The following MPRIP variants were observed in gnomAD, a reference collection of about 807,000 sequenced individuals.
MPRIP encodes myosin phosphatase Rho interacting protein.
In MPRIP, 59 loss-of-function variants were observed where a neutral mutation model predicts 234.9. The ratio of observed to expected loss-of-function variants is 0.25; its 90% CI spans 0.20 to 0.31. The LOEUF (loss-of-function observed/expected upper bound fraction) is 0.31, where lower values mean the gene tolerates loss of function less well. MPRIP is among the 10% of genes least tolerant of loss of function. The pLI, the probability that MPRIP is intolerant of heterozygous loss-of-function variation, is 1.00. For synonymous variants in MPRIP, 1,144 were observed against 1,263.9 expected, an observed-to-expected ratio of 0.91 and a Z score of 2.01; for missense variants, 2,436 against 3,071.0, an observed-to-expected ratio of 0.79 and a Z score of 4.89.
rs1195932484 is a variant in MPRIP at position 17,088,047 on chromosome 17, G to A, written c.267+9971G>A. 2.0e-5 allele frequency among the ~76,000 whole-genome samples: 3 copies of A among 152,262 alleles called. No individual in the cohort carries two copies. The East Asian group carries it at 5.8e-4, about 29-fold the overall frequency. On this transcript the variant is annotated intron_variant, in intron 3 of 23. Transcript: ENST00000651222. ...GCCTTCCCTGTGTTGCCTGAGTGGA[G>A]TGACTGCTGGCCACCCACAATTGAT...
chr17:17,100,223 G>A (rs536720569), intron 3 of MPRIP, among the ~76,000 whole-genome samples: 5 of 152,284 alleles, frequency 3.3e-5, no homozygotes, highest in Admixed American at 2.0e-4. Context: ...GAGATCCAAG[G>A]TTTCCAGAGC....
At position 17,181,646 on chromosome 17, in the gene MPRIP, T is replaced by C. The variant is rs535122504; in HGVS notation, c.7206+1558T>C. 3.9e-5 allele frequency: 6 copies of C among 152,382 alleles called. No homozygotes were observed. The South Asian group carries it at 1.2e-3, about 32-fold the overall frequency. 9.4% of individuals were successfully genotyped at this position (152,382 alleles called of 1,614,324 possible). On this transcript the variant is annotated intron_variant, in intron 23 of 23. Coordinates refer to ENST00000651222, the MANE Select transcript of MPRIP (RefSeq NM_001364716.4). ...TTCTTACTGAAGATTCTACTACTTA[T>C]TTGAGGCTAAACTGTAGCTAGTATC...
At chr17:17,113,378 A>G (rs567818149) in intron 3 of MPRIP, among the ~76,000 whole-genome samples, 1 of 152,376 alleles carries the variant, frequency 6.6e-6, no homozygotes, top group African/African-American at 2.4e-5. Context: ...TGCTTCACAT[A>G]AGTGGAATCA....
chr17:17,139,708 C>T (rs1344981699), intron 7 of MPRIP, among the ~76,000 whole-genome samples: 2 of 152,280 alleles, frequency 1.3e-5, no homozygotes, highest in African/African-American at 4.8e-5. Context: ...TCCAAACGTC[C>T]CAGATGAAAA....
chr17:17,165,315 A>T lies in MPRIP; in HGVS notation c.3724A>T (p.Thr1242Ser). ...STPEETERDG[T>S]LLPGQPVQAT... ...CCCTGAAGAGACAGAAAGGGATGGC[A>T]CTTTGCTCCCAGGCCAACCAGTCCA... is the stretch of plus-strand genomic sequence containing the variant. Residue 1242 changes from threonine (T) to serine (S), a missense_variant, in exon 16 of 24, where the codon ACT (threonine) becomes TCT (serine). By Grantham distance (58) the Thr-to-Ser change is moderately conservative (BLOSUM62 1). Coordinates refer to ENST00000651222, the MANE Select transcript of MPRIP (RefSeq NM_001364716.4). 7.7e-7 allele frequency: 1 copy of T among 1,304,104 alleles called. No homozygotes were observed. Among genetic ancestry groups the T allele is most frequent in the South Asian group, 1.2e-5 (1 of 81,036 alleles). 80.8% of individuals were successfully genotyped at this position (1,304,104 alleles called of 1,614,324 possible). A position where few individuals can be genotyped will look rare whatever the true frequency, so the allele number is the denominator to read the frequency against.
rs368169974 is a variant in MPRIP, at chr17:17,053,660, G to A, written c.123+10689G>A. Among the ~76,000 whole-genome samples, 14 of 152,302 alleles carry A rather than the reference G, an allele frequency of 9.2e-5. No homozygotes were observed. In the East Asian group the frequency reaches 2.3e-3, roughly 25 times the overall value. On this transcript the variant is annotated intron_variant, in intron 1 of 23. Coordinates refer to ENST00000651222, the MANE Select transcript of MPRIP (RefSeq NM_001364716.4). ...CCCATCCCTCTTAGGTTACTGCAGA[G>A]AAAACAGCCCAGGGAGGGGACCTTC...
chr17:17,088,274 G>A (rs2089636739), intron 3 of MPRIP, among the ~76,000 whole-genome samples: 3 of 152,210 alleles, frequency 2.0e-5, no homozygotes, highest in African/African-American at 4.8e-5. Context: ...CACCCTTGCT[G>A]GTCTATCTTC....
intron 22 of MPRIP, 35 bp downstream of exon 22, chr17:17,177,447 T>G (rs901684375): frequency 2.5e-6 from 4 of 1,600,282 alleles, no homozygotes; most frequent in Non-Finnish European, 1.7e-6. Context: ...CGGTTATTGC[T>G]GGGGGGCTTA....
At chr17:17,159,280 G>A (rs944270951) in intron 14 of MPRIP, among the ~76,000 whole-genome samples, 3 of 152,252 alleles carry the variant, frequency 2.0e-5, no homozygotes, top group Non-Finnish European at 2.9e-5. Flanking sequence ...GGCAAGCGGC[G>A]TTGCAGGGCC....
Position 17,192,443 on chromosome 17 carries a change from A to T in MPRIP, c.*7549A>T, listed in dbSNP as rs375314240. 2.3e-4 allele frequency: 3 copies of T among 13,052 alleles called. No homozygotes were observed. The highest frequency in any genetic ancestry group is 4.2e-4 in the Non-Finnish European group (3 of 7,080). The allele number at this position is 13,052 out of a possible 1,614,324, so 0.8% of individuals were successfully genotyped here. On this transcript the variant is annotated 3_prime_UTR_variant, in exon 24 of 24. Transcript: ENST00000651222. ...CTTTTTTTTTGGGGGGGGGGGGGGG[A>T]GGGGCGTCTTGAGGCTTTTTTTTTT...
chr17:17,106,936 C>A (rs1313085400), intron 3 of MPRIP, among the ~76,000 whole-genome samples: 4 of 152,192 alleles, frequency 2.6e-5, no homozygotes, highest in Non-Finnish European at 5.9e-5. Context: ...ACTTCTTTCC[C>A]AGATGCTGGC....
At chr17:17,125,246 C>T (rs939804334) in intron 3 of MPRIP, among the ~76,000 whole-genome samples, 1 of 152,226 alleles carries the variant, frequency 6.6e-6, no homozygotes, top group Non-Finnish European at 1.5e-5. Context: ...AGTGTTGAGG[C>T]AGGATGCCAA....
intron 21 of MPRIP, 88 bp from the exon 22 acceptor site, chr17:17,177,162 C>CG: frequency 7.6e-7 from 1 of 1,318,514 alleles, no homozygotes; most frequent in Non-Finnish European, 1.1e-6. Context: ...GCCTCCCTAC[C>CG]GTGTTCAGTC....
chr17:17,066,874 A>G (rs1380126922), intron 1 of MPRIP, among the ~76,000 whole-genome samples: 1 of 151,266 alleles, frequency 6.6e-6, no homozygotes, highest in Non-Finnish European at 1.5e-5. Flanking sequence ...CTCATGCCTC[A>G]GCCTCCCACG....
Position 17,166,009 on chromosome 17 carries a change from G to A in MPRIP, c.4418G>A (p.Ser1473Asn). The A allele has an allele frequency of 3.8e-6, 5 of 1,304,304 alleles. No homozygotes were observed. Among genetic ancestry groups the A allele is most frequent in the Non-Finnish European group, 5.1e-6 (5 of 988,936 alleles). 80.8% of individuals were successfully genotyped at this position (1,304,304 alleles called of 1,614,324 possible). A position where few individuals can be genotyped will look rare whatever the true frequency, so the allele number is the denominator to read the frequency against. Residue 1473 changes from serine (S) to asparagine (N), a missense_variant, in exon 16 of 24, where the codon AGT becomes AAT. Transcript: ENST00000651222. The surrounding 1 kb of genome is among the most constrained non-coding windows in gnomAD (Gnocchi z 4.4). ...CTTGGGGACTTCCAGGTCAAGAATA[G>A]TCAGGCCCTGATGTGCCTGGAAAAT... ...GELGDFQVKN[S>N]QALMCLENCR...
At chr17:17,182,251 G>T (rs1449494605) in intron 23 of MPRIP, 1 of 152,200 alleles carries the variant, frequency 6.6e-6, no homozygotes, top group Non-Finnish European at 1.5e-5. Flanking sequence ...GGCATCTGAT[G>T]TGCACTGATC....
chr17:17,170,521 G>C (rs1428197964), intron 16 of MPRIP, among the ~76,000 whole-genome samples: 1 of 152,258 alleles, frequency 6.6e-6, no homozygotes, highest in Non-Finnish European at 1.5e-5. Flanking sequence ...GAGGCTCTCA[G>C]AGTTGGCCAT....
In MPRIP at chr17:17,190,041, T is replaced by TA. The variant is rs1345019054; in HGVS notation, c.*5148dup. 6.6e-6 allele frequency: 1 copy of TA among 152,244 alleles called. No homozygotes were observed. Among genetic ancestry groups the TA allele is most frequent in the East Asian group, 1.9e-4 (1 of 5,198 alleles). 9.4% of individuals were successfully genotyped at this position (152,244 alleles called of 1,614,324 possible). On this transcript the variant is annotated 3_prime_UTR_variant, in exon 24 of 24. Transcript: ENST00000651222. ...TTTCCTGCCCTCCAGCATTCTTCTC[T>TA]AGAGAGGTTCCTAGCCCGCTCAGCG...
chr17:17,072,017 CTGTT>C (rs1028867894), intron 1 of MPRIP, among the ~76,000 whole-genome samples: 1 of 152,174 alleles, frequency 6.6e-6, no homozygotes, highest in African/African-American at 2.4e-5. Flanking sequence ...TTTGGGCTGT[CTGTT>C]TTAGTGTCCC....
Sources: gnomAD v4.1 joint callset for allele counts (sites outside exome capture counted in the v4.1 genomes callset) on GRCh38, gnomAD v4.1.1 for gene constraint, Gnocchi (gnomAD v3.1) non-coding constraint, MANE v1.5 for transcripts, NCBI Gene and HGNC (gene_info 2026-07-23, HGNC 2026-07-21) for gene names.